Variants in SPATA18 observed in about 807,000 individuals in gnomAD.
The protein encoded by SPATA18 is mitochondria-eating protein.
SPATA18 carries 54 observed loss-of-function variants against 68.1 expected under a neutral mutation model. The ratio of observed to expected loss-of-function variants is 0.79; its 90% confidence interval spans 0.64 to 0.99. The LOEUF is 0.99. Ranked by LOEUF, SPATA18 falls within the 50% of genes least tolerant of loss-of-function variation. The pLI, the probability that SPATA18 is intolerant of heterozygous loss-of-function variation, is 0.00. For synonymous variants in SPATA18, 242 were observed against 244.8 expected (o/e 0.99, Z 0.11); for missense variants, 724 against 681.1 (o/e 1.06, Z -0.70).
At chr4:52,078,554 T>C (rs375742623) in intron 7 of SPATA18, 181 bp from the exon 8 acceptor site, 86 of 507,034 alleles carry the variant, frequency 1.7e-4, no homozygotes, top group African/African-American at 1.4e-3. Context: ...TATTATATGT[T>C]TATGTACTTT....
At chr4:52,083,692 C>T (rs1417534830) in intron 10 of SPATA18, among the ~76,000 whole-genome samples, 1 of 150,782 alleles carries the variant, frequency 6.6e-6, no homozygotes, top group African/African-American at 2.4e-5. Context: ...CTGTGTGAGC[C>T]ATGATTGTGC....
At chr4:52,085,460 A>G (rs936911285) in intron 11 of SPATA18, among the ~76,000 whole-genome samples, 27 of 152,218 alleles carry the variant, frequency 1.8e-4, no homozygotes, top group Admixed American at 9.2e-4. Context: ...ATTAGAAAAA[A>G]TAAGGTTTTT....
At chr4:52,053,787 C>T (rs757795836) in intron 1 of SPATA18, among the ~76,000 whole-genome samples, 1 of 152,174 alleles carries the variant, frequency 6.6e-6, no homozygotes, top group Non-Finnish European at 1.5e-5. Flanking sequence ...CTGCTACCAC[C>T]CTTCTCCATC....
At chr4:52,092,185 G>A (rs1742017242) in intron 11 of SPATA18, among the ~76,000 whole-genome samples, 1 of 152,106 alleles carries the variant, frequency 6.6e-6, no homozygotes, top group Non-Finnish European at 1.5e-5. Context: ...TTGGCTGCCT[G>A]GGTTCATTGC....
At chr4:52,062,398 C>T (rs1033939475) in intron 4 of SPATA18, 66 bp downstream of exon 4, 87 of 1,143,340 alleles carry the variant, frequency 7.6e-5, no homozygotes, top group Non-Finnish European at 9.2e-5. Flanking sequence ...GTTTTAAATT[C>T]GAAAGGAGAA....
intron 10 of SPATA18, 103 bp downstream of exon 10, chr4:52,082,613 T>C: frequency 6.2e-7 from 1 of 1,604,162 alleles, no homozygotes; most frequent in Non-Finnish European, 8.5e-7. Flanking sequence ...TTATAAAGAG[T>C]TGATAAGATT....
chr4:52,091,148 T>C (rs1202040460), intron 11 of SPATA18, among the ~76,000 whole-genome samples: 1 of 152,042 alleles, frequency 6.6e-6, no homozygotes. Flanking sequence ...AGGTCATTTA[T>C]GTTCTTCTCT....
chr4:52,078,834 G>T lies in SPATA18; in HGVS notation c.1120G>T (p.Ala374Ser). The T allele has an allele frequency of 6.2e-7, 1 of 1,609,218 alleles. No homozygotes were observed. The highest frequency in any genetic ancestry group is 8.5e-7 in the Non-Finnish European group (1 of 1,176,064). ...TGTGGGGTCGAATGACTTTGAGAAT[G>T]CTGTCTTGGATTATGTCATTTGTCA... ...SYVGSNDFENAVLDYVICHLD... is the reference protein window; with the variant it reads ...SYVGSNDFENSVLDYVICHLD... The change falls in exon 8 of 13, where the codon GCT becomes TCT. Residue 374 changes from alanine to serine, a missense_variant. Physicochemically the swap from Ala to Ser is moderately conservative, Grantham distance 99. Transcript: ENST00000295213.
Position 52,078,867 on chromosome 4 carries a change from CTA to C in SPATA18, c.1157_1158del (p.Tyr386Ter), listed in dbSNP as rs1366219712. ...VLDYVICHLD[L>X]YDSQSSVNDV... Reference sequence around the variant, plus strand: ...GGATTATGTCATTTGTCATCTTGATCTATATGATTCTCAAAGCAGTGTCAATG... The same window carrying C: ...GGATTATGTCATTTGTCATCTTGATCTATGATTCTCAAAGCAGTGTCAATG... On this transcript the variant is annotated frameshift_variant, in exon 8 of 13. Coordinates refer to ENST00000295213, the MANE Select transcript of SPATA18 (RefSeq NM_145263.4). LOFTEE classifies it high-confidence loss of function. The C allele has an allele frequency of 6.3e-7, 1 of 1,592,968 alleles. No homozygotes were observed. The highest frequency in any genetic ancestry group is 8.6e-7 in the Non-Finnish European group (1 of 1,162,990).
At chr4:52,094,499 AT>A in intron 11 of SPATA18, 27 bp from the exon 12 acceptor site, 5 of 1,607,848 alleles carry the variant, frequency 3.1e-6, no homozygotes, top group African/African-American at 1.3e-5. Flanking sequence ...CTACTATGTA[AT>A]TCACATTATT....
intron 5 of SPATA18, among the ~76,000 whole-genome samples, chr4:52,070,933 C>A (rs17084249): frequency 0.045 from 6,766 of 151,008 alleles, 418 homozygotes; most frequent in African/African-American, 0.14. Context: ...TTTTGATTAT[C>A]TTCGCATGTG....
At chr4:52,058,092 C>G (rs1738505319) in intron 1 of SPATA18, among the ~76,000 whole-genome samples, 1 of 152,156 alleles carries the variant, frequency 6.6e-6, no homozygotes, top group Admixed American at 6.5e-5. Flanking sequence ...ATAAAATGGC[C>G]AGGGCAAGGA....
At chr4:52,075,654 A>C (rs2109473531) in intron 6 of SPATA18, among the ~76,000 whole-genome samples, 1 of 152,290 alleles carries the variant, frequency 6.6e-6, no homozygotes, top group African/African-American at 2.4e-5. Flanking sequence ...AATTTAGAAA[A>C]ATTAACAGGT....
chr4:52,092,629 C>A (rs991286040), intron 11 of SPATA18, among the ~76,000 whole-genome samples: 4 of 152,198 alleles, frequency 2.6e-5, no homozygotes, highest in Admixed American at 6.5e-5. Context: ...TTGCTGGGGG[C>A]TGCAGACCAG....
In SPATA18 at chr4:52,096,747, G is replaced by A. The variant is rs1401790606; in HGVS notation, c.*1860G>A. 1 of 117,280 alleles carries A rather than the reference G, an allele frequency of 8.5e-6. No homozygotes were observed. Among genetic ancestry groups the A allele is most frequent in the Non-Finnish European group, 2.0e-5 (1 of 50,172 alleles). 7.3% of individuals were successfully genotyped at this position (117,280 alleles called of 1,614,324 possible). On this transcript the variant is annotated 3_prime_UTR_variant, in exon 13 of 13. Transcript: ENST00000295213. ...CTTTCTGAAGTGGTGGGCAATTCTTGTTAATGTTTTAAACAAAAAAAAAAA... is the reference window on the plus strand; with the variant it reads ...CTTTCTGAAGTGGTGGGCAATTCTTATTAATGTTTTAAACAAAAAAAAAAA...
intron 10 of SPATA18, among the ~76,000 whole-genome samples, chr4:52,084,489 A>G (rs904053874): frequency 6.6e-6 from 1 of 152,210 alleles, no homozygotes; most frequent in Non-Finnish European, 1.5e-5. Flanking sequence ...TTATTCATTC[A>G]TCCAATGATA....
intron 4 of SPATA18, among the ~76,000 whole-genome samples, chr4:52,066,547 G>C (rs1431208330): frequency 6.6e-6 from 1 of 152,104 alleles, no homozygotes; most frequent in African/African-American, 2.4e-5. Flanking sequence ...AGGATGTGCA[G>C]GTTTGTTATA....
chr4:52,088,218 C>A (rs1741604158), intron 11 of SPATA18, among the ~76,000 whole-genome samples: 1 of 152,166 alleles, frequency 6.6e-6, no homozygotes, highest in African/African-American at 2.4e-5. Flanking sequence ...CATCTGCAAA[C>A]AGAGACAATT....
At chr4:52,089,248 T>C (rs544458976) in intron 11 of SPATA18, among the ~76,000 whole-genome samples, 1 of 152,216 alleles carries the variant, frequency 6.6e-6, no homozygotes, top group Admixed American at 6.5e-5. Flanking sequence ...CCTGGATTCA[T>C]TGATTTTTTG....
Sources: gnomAD v4.1 joint callset for allele counts (sites outside exome capture counted in the v4.1 genomes callset) on GRCh38, gnomAD v4.1.1 for gene constraint, MANE v1.5 for transcripts, NCBI Gene and HGNC (gene_info 2026-07-23, HGNC 2026-07-21) for gene names.